FBXO4: variants seen among roughly 807,000 people sequenced by gnomAD.
FBXO4 encodes F-box protein 4.
Under a neutral mutation model 43.7 loss-of-function variants are expected in FBXO4, and 36 were observed. The ratio of observed to expected loss-of-function variants is 0.82; its 90% CI spans 0.63 to 1.09. FBXO4 has a LOEUF of 1.09. Ranked by LOEUF, FBXO4 falls within the 50% of genes least tolerant of loss-of-function variation. FBXO4 has a pLI of 0.00. For missense variants in FBXO4, 435 were observed against 474.1 expected (o/e 0.92, Z 0.77); for synonymous variants, 180 against 165.6 (o/e 1.09, Z -0.67).
chr5:42,040,024 C>T, the FBXO4 span, among the ~76,000 whole-genome samples: 7 of 152,066 alleles, frequency 4.6e-5, no homozygotes, highest in African/African-American at 1.7e-4. Context: ...CTGGCTGACT[C>T]CTTGACTGCA....
the FBXO4 span, among the ~76,000 whole-genome samples, chr5:41,999,509 A>ATATATATATGTG: frequency 9.1e-5 from 6 of 66,092 alleles, no homozygotes; most frequent in African/African-American, 6.1e-4. Flanking sequence ...ATATATGTGT[A>ATATATATATGTG]TATATATATA....
At chr5:42,036,088 T>A in the FBXO4 span, among the ~76,000 whole-genome samples, 2 of 152,268 alleles carry the variant, frequency 1.3e-5, no homozygotes, top group African/African-American at 4.8e-5. Context: ...AACAGTCTCA[T>A]ATACTCCTAG....
At chr5:42,014,154 C>T in the FBXO4 span, among the ~76,000 whole-genome samples, 15 of 152,128 alleles carry the variant, frequency 9.9e-5, no homozygotes, top group Admixed American at 5.9e-4. Context: ...ATCACTCCTA[C>T]CTTGCTTCTG....
chr5:41,975,482 G>A, the FBXO4 span, among the ~76,000 whole-genome samples: 5 of 152,180 alleles, frequency 3.3e-5, no homozygotes, highest in African/African-American at 4.8e-5. Flanking sequence ...AATATTGTGT[G>A]TATTAATGAG....
chr5:41,929,501 G>A (rs75990243), intron 2 of FBXO4, among the ~76,000 whole-genome samples, 196 bp from the exon 3 acceptor site: 1 of 152,162 alleles, frequency 6.6e-6, no homozygotes, highest in Non-Finnish European at 1.5e-5. Flanking sequence ...CACCCCCATG[G>A]CACCTTGTGC....
chr5:41,973,863 A>G, the FBXO4 span, among the ~76,000 whole-genome samples: 5 of 152,206 alleles, frequency 3.3e-5, no homozygotes, highest in African/African-American at 1.2e-4. Context: ...TATCTTTTAG[A>G]CCCATTAAAC....
the FBXO4 span, among the ~76,000 whole-genome samples, chr5:42,034,474 T>G: frequency 6.6e-6 from 1 of 152,340 alleles, no homozygotes; most frequent in Non-Finnish European, 1.5e-5. Context: ...TTAGGTTTTC[T>G]TCTAGGGTTT....
chr5:41,997,744 T>C, the FBXO4 span, among the ~76,000 whole-genome samples: 2 of 152,102 alleles, frequency 1.3e-5, no homozygotes, highest in African/African-American at 2.4e-5. Flanking sequence ...CTCCCCAAAA[T>C]GTTGGATCAT....
intron 5 of FBXO4, chr5:41,935,217 C>A (rs1751818159): frequency 1.2e-6 from 1 of 848,340 alleles, no homozygotes; most frequent in Non-Finnish European, 1.4e-6. Context: ...AACAAGCACA[C>A]AAAAAATAAA....
chr5:41,952,774 T>C, the FBXO4 span, among the ~76,000 whole-genome samples: 1 of 152,184 alleles, frequency 6.6e-6, no homozygotes, highest in Non-Finnish European at 1.5e-5. Context: ...GGCCTCTTTT[T>C]GAGTTTACTA....
the FBXO4 span, among the ~76,000 whole-genome samples, chr5:41,990,970 C>A: frequency 6.6e-6 from 1 of 152,154 alleles, no homozygotes; most frequent in Non-Finnish European, 1.5e-5. Flanking sequence ...TTGTCATGAA[C>A]TTTATTCTAC....
At chr5:41,935,200 C>T (rs1376087230) in intron 5 of FBXO4, 3 of 900,632 alleles carry the variant, frequency 3.3e-6, no homozygotes, top group South Asian at 1.0e-4. Context: ...CCAATCTGCT[C>T]CTATAAAACA....
chr5:41,998,544 T>G, the FBXO4 span, among the ~76,000 whole-genome samples: 1 of 152,156 alleles, frequency 6.6e-6, no homozygotes, highest in Non-Finnish European at 1.5e-5. Flanking sequence ...GCAAATAAAT[T>G]ATTAGAACCT....
chr5:41,971,230 GTGTA>G, the FBXO4 span, among the ~76,000 whole-genome samples: 21 of 144,606 alleles, frequency 1.5e-4, no homozygotes, highest in Middle Eastern at 3.6e-3. Context: ...GTGTGTGTGT[GTGTA>G]TGTGTGTGTG....
chr5:41,992,560 G>T, the FBXO4 span, among the ~76,000 whole-genome samples: 396 of 152,248 alleles, frequency 2.6e-3, 1 homozygote, highest in Non-Finnish European at 3.1e-3. Flanking sequence ...AAGGCAAATG[G>T]TAGACTGCTT....
intron 3 of FBXO4, among the ~76,000 whole-genome samples, chr5:41,933,497 T>C (rs575317818): frequency 6.6e-6 from 1 of 152,246 alleles, no homozygotes; most frequent in Admixed American, 6.5e-5. Flanking sequence ...GGATTACAGA[T>C]GTGAGCCACT....
chr5:41,966,284 C>CTTTTTATTATA, the FBXO4 span, among the ~76,000 whole-genome samples: 1 of 151,794 alleles, frequency 6.6e-6, no homozygotes, highest in African/African-American at 2.4e-5. Flanking sequence ...TACCCTAAAA[C>CTTTTTATTATA]TTAAAGTATA....
the FBXO4 span, among the ~76,000 whole-genome samples, chr5:41,979,107 GTGCCTGGATTT>G: frequency 6.6e-6 from 1 of 152,190 alleles, no homozygotes; most frequent in South Asian, 2.1e-4. Context: ...GGTTTAAGCA[GTGCCTGGATTT>G]TGCCTCTATG....
the FBXO4 span, among the ~76,000 whole-genome samples, chr5:41,984,824 A>G: frequency 6.6e-6 from 1 of 152,010 alleles, no homozygotes; most frequent in South Asian, 2.1e-4. Context: ...CTTTCCTTCT[A>G]TGCATGAAAA....
Sources: allele counts gnomAD v4.1 joint callset (sites outside exome capture counted in the v4.1 genomes callset), GRCh38; gene constraint gnomAD v4.1.1; transcripts MANE v1.5; gene names NCBI Gene and HGNC (gene_info 2026-07-23, HGNC 2026-07-21).